The following CYB5A variants were observed in gnomAD, a reference collection of about 807,000 sequenced individuals.
The protein encoded by CYB5A is cytochrome b5 type A.
A neutral mutation model predicts 16.2 loss-of-function variants in CYB5A; 10 were observed. The ratio of observed to expected loss-of-function variants is 0.62; its 90% CI spans 0.38 to 1.04. The LOEUF is 1.04. Among genes scored for constraint, CYB5A ranks in the 50% least tolerant of loss-of-function variants. CYB5A has a pLI of 0.01. For synonymous variants in CYB5A, 62 were observed against 57.0 expected (o/e 1.09, Z -0.40); for missense variants, 161 against 165.9 (o/e 0.97, Z 0.16).
Position 74,291,889 on chromosome 18 carries a change from G to A in CYB5A, c.-14C>T. ...CTGCTCTGCCATCTCGGTTCGCCGC[G>A]AGCCAGGCCCAGCACACACAGCCCC... On this transcript the variant is annotated 5_prime_UTR_variant, in exon 1 of 5. Coordinates refer to ENST00000340533, the MANE Select transcript of CYB5A (RefSeq NM_148923.4). 5 of 1,610,248 alleles carry A rather than the reference G, an allele frequency of 3.1e-6. No homozygotes were observed. Among genetic ancestry groups the A allele is most frequent in the Non-Finnish European group, 3.4e-6 (4 of 1,179,830 alleles).
In CYB5A at chr18:74,253,469, A is replaced by G. The variant is rs1981841018; in HGVS notation, c.*115T>C. ...AATGTCGGAAGAAAAAGAAAGAGAT[A>G]TATTAAAATCATTGTTTTCAAGTGA... is the stretch of plus-strand genomic sequence containing the variant. On this transcript the variant is annotated 3_prime_UTR_variant, in exon 5 of 5. Coordinates refer to ENST00000340533, the MANE Select transcript of CYB5A (RefSeq NM_148923.4). 2.9e-6 allele frequency: 2 copies of G among 687,438 alleles called. No homozygotes were observed. The highest frequency in any genetic ancestry group is 1.6e-5 in the South Asian group (1 of 64,224). The allele number at this position is 687,438 out of a possible 1,614,324, so 42.6% of individuals were successfully genotyped here.
At chr18:74,286,901 A>T (rs1176187638) in intron 1 of CYB5A, among the ~76,000 whole-genome samples, 2 of 152,218 alleles carry the variant, frequency 1.3e-5, no homozygotes, top group Non-Finnish European at 2.9e-5. Flanking sequence ...AAAAAGCAAA[A>T]GTTAATTTGC....
intron 1 of CYB5A, among the ~76,000 whole-genome samples, chr18:74,283,317 C>T (rs1983189539): frequency 6.6e-6 from 1 of 152,144 alleles, no homozygotes; most frequent in South Asian, 2.1e-4. Context: ...CACATGCCTC[C>T]TCACACATAC....
At chr18:74,255,715 T>C (rs1981950230) in intron 4 of CYB5A, 26 bp downstream of exon 4, 7 of 1,603,990 alleles carry the variant, frequency 4.4e-6, no homozygotes, top group Non-Finnish European at 6.0e-6. Context: ...CACCCACTAC[T>C]GCTTTAAAAG....
intron 1 of CYB5A, among the ~76,000 whole-genome samples, chr18:74,284,817 C>T (rs1191471844): frequency 6.6e-6 from 1 of 152,200 alleles, no homozygotes; most frequent in Non-Finnish European, 1.5e-5. Flanking sequence ...TTGGCATGGG[C>T]CTGCTAGAGA....
intron 1 of CYB5A, among the ~76,000 whole-genome samples, chr18:74,275,908 C>T (rs867440347): frequency 6.6e-6 from 1 of 152,238 alleles, no homozygotes; most frequent in East Asian, 1.9e-4. Context: ...GTAGGGTGGC[C>T]AGGGAGGACC....
intron 1 of CYB5A, among the ~76,000 whole-genome samples, chr18:74,269,558 G>T (rs551113113): frequency 6.6e-6 from 1 of 152,118 alleles, no homozygotes; most frequent in Non-Finnish European, 1.5e-5. Context: ...ACACTCCAGC[G>T]TAACAGGACC....
At chr18:74,281,587 C>T (rs1487254947) in intron 1 of CYB5A, among the ~76,000 whole-genome samples, 2 of 152,188 alleles carry the variant, frequency 1.3e-5, no homozygotes, top group African/African-American at 4.8e-5. Flanking sequence ...CCCTGGGAGA[C>T]CTTGGCAAGA....
chr18:74,256,866 G>A (rs2145038466), intron 3 of CYB5A: 2 of 1,612,582 alleles, frequency 1.2e-6, no homozygotes, highest in Admixed American at 3.3e-5. Context: ...GACACAGTAG[G>A]GGAAAAAAGG....
rs1981799295 is a variant in CYB5A at position 74,252,313 on chromosome 18, GAAT to G, written c.*1268_*1270del. 6.6e-6 allele frequency: 1 copy of G among 152,126 alleles called. No homozygotes were observed. Among genetic ancestry groups the G allele is most frequent in the African/African-American group, 2.4e-5 (1 of 41,400 alleles). The allele number at this position is 152,126 out of a possible 1,614,324, so 9.4% of individuals were successfully genotyped here. The stretch of plus-strand genomic sequence containing the variant: ...AGCTTTCAAGTTTCCACATTTAAAA[GAAT>G]AACACATAAGGCAGAGAATAATAAA... On this transcript the variant is annotated 3_prime_UTR_variant, in exon 5 of 5. Transcript: ENST00000340533.
intron 2 of CYB5A, among the ~76,000 whole-genome samples, chr18:74,262,728 A>C (rs763860884): frequency 3.9e-5 from 6 of 152,222 alleles, no homozygotes; most frequent in Admixed American, 1.3e-4. Flanking sequence ...AAAAGGAAAG[A>C]AAGCAATGCT....
chr18:74,290,916 C>CA (rs5826313), intron 1 of CYB5A: 64,795 of 152,724 alleles, frequency 0.42, 15,946 homozygotes, highest in African/African-American at 0.69. Context: ...GCGAGTCCCA[C>CA]GCAGAACGTC....
rs1242491135 is a variant in CYB5A at position 74,266,170 on chromosome 18, A to T, written c.130-2693T>A. 2.6e-5 allele frequency among the ~76,000 whole-genome samples: 4 copies of T among 152,240 alleles called. No individual in the cohort carries two copies. The East Asian group carries it at 7.7e-4, about 29-fold the overall frequency. On this transcript the variant is annotated intron_variant, in intron 1 of 4. Coordinates refer to ENST00000340533, the MANE Select transcript of CYB5A (RefSeq NM_148923.4). Reference sequence around the variant, plus strand: ...CTCAAAGCCAACCCGAAACTTCTGGATTCCTCGCCAAGGCTGCAGCAATAA... The same window carrying T: ...CTCAAAGCCAACCCGAAACTTCTGGTTTCCTCGCCAAGGCTGCAGCAATAA...
At chr18:74,257,976 T>A (rs796600232) in intron 3 of CYB5A, 36 of 152,334 alleles carry the variant, frequency 2.4e-4, no homozygotes, top group African/African-American at 8.4e-4. Context: ...TGAATCAGTG[T>A]AAATTACAGT....
chr18:74,271,187 A>G (rs1982653661), intron 1 of CYB5A, among the ~76,000 whole-genome samples: 1 of 152,240 alleles, frequency 6.6e-6, no homozygotes, highest in Admixed American at 6.5e-5. Flanking sequence ...ATTGTGTGGG[A>G]CAGAAAAAAG....
chr18:74,264,023 C>A (rs1014224414), intron 1 of CYB5A, among the ~76,000 whole-genome samples: 3 of 152,134 alleles, frequency 2.0e-5, no homozygotes, highest in African/African-American at 7.2e-5. Context: ...CCAACCTGGC[C>A]TACATGGCGA....
Position 74,263,460 on chromosome 18 carries a change from T to C in CYB5A, c.147A>G (p.Glu49=). ...KFLEEHPGGE[E]VLREQAGGDA... ...CACCTCCAGCTTGTTCCCTTAAAAC[T>C]TCTTCCCCACCAGGATGCTGTTCAA... The change falls in exon 2 of 5, where the codon GAA becomes GAG. Residue 49 remains glutamate (E), a synonymous_variant. Coordinates refer to ENST00000340533, the MANE Select transcript of CYB5A (RefSeq NM_148923.4). The C allele has an allele frequency of 6.2e-7, 1 of 1,614,140 alleles. No homozygotes were observed. Among genetic ancestry groups the C allele is most frequent in the Middle Eastern group, 1.6e-4 (1 of 6,062 alleles).
intron 1 of CYB5A, among the ~76,000 whole-genome samples, chr18:74,271,648 G>A (rs563540552): frequency 8.0e-5 from 7 of 87,734 alleles, no homozygotes; most frequent in East Asian, 7.9e-4. Context: ...TGTACTTATC[G>A]TGTGTGTGTG....
chr18:74,291,933 C>G lies in CYB5A; in HGVS notation c.-58G>C. 6.2e-7 allele frequency: 1 copy of G among 1,603,074 alleles called. No homozygotes were observed. Among genetic ancestry groups the G allele is most frequent in the Non-Finnish European group, 8.5e-7 (1 of 1,179,482 alleles). ...CAGCCCCGTCGGGTGGAGCAGAGCG[C>G]GCGACTCAGCCAGCTCCACCCGGGA... On this transcript the variant is annotated 5_prime_UTR_variant, in exon 1 of 5. Transcript: ENST00000340533.
Sources: gnomAD v4.1 joint callset for allele counts (sites outside exome capture counted in the v4.1 genomes callset) on GRCh38, gnomAD v4.1.1 for gene constraint, MANE v1.5 for transcripts, NCBI Gene and HGNC (gene_info 2026-07-23, HGNC 2026-07-21) for gene names.